NFASC: variants seen among roughly 807,000 people sequenced by gnomAD.
NFASC encodes the protein neurofascin, also known as neurofascin homolog.
In NFASC, 43 loss-of-function variants were observed where a neutral mutation model predicts 147.5. The observed-to-expected ratio is 0.29, with a 90% CI of 0.23 to 0.38. NFASC has a LOEUF of 0.38. Among genes scored for constraint, NFASC ranks in the 10% least tolerant of loss-of-function variants. The pLI is 1.00. For synonymous variants in NFASC, 622 were observed against 665.5 expected (o/e 0.93, Z 1.01); for missense variants, 1,320 against 1,689.0 (o/e 0.78, Z 3.83).
intron 1 of NFASC, among the ~76,000 whole-genome samples, chr1:204,884,837 A>G (rs2080990413): frequency 1.3e-5 from 2 of 152,102 alleles, no homozygotes; most frequent in Admixed American, 1.3e-4. Context: ...GCTGGGTGCT[A>G]TGGGAAATAA....
chr1:204,882,645 TA>T (rs918756338), intron 1 of NFASC, among the ~76,000 whole-genome samples: 7 of 152,162 alleles, frequency 4.6e-5, no homozygotes, highest in Non-Finnish European at 1.0e-4. Flanking sequence ...ATGTCTTGTT[TA>T]CCCCTGAATC....
intron 2 of NFASC, among the ~76,000 whole-genome samples, chr1:204,927,616 C>G (rs1207545624): frequency 6.6e-6 from 1 of 152,084 alleles, no homozygotes; most frequent in African/African-American, 2.4e-5. Context: ...AAAATACTCT[C>G]TACCACCTGG....
chr1:204,916,222 TG>T (rs901942316), intron 1 of NFASC, among the ~76,000 whole-genome samples: 4 of 152,204 alleles, frequency 2.6e-5, no homozygotes, highest in Admixed American at 2.6e-4. Context: ...AGATATCAGG[TG>T]CCTTGTTGGT....
intron 1 of NFASC, among the ~76,000 whole-genome samples, chr1:204,870,315 G>A (rs1164042749): frequency 6.6e-6 from 1 of 152,218 alleles, no homozygotes; most frequent in African/African-American, 2.4e-5. Context: ...GACCAAAGTT[G>A]CGGAGAGCCA....
chr1:204,965,972 G>T (rs1468668368), intron 8 of NFASC, among the ~76,000 whole-genome samples: 1 of 152,228 alleles, frequency 6.6e-6, no homozygotes, highest in Admixed American at 6.5e-5. Context: ...TTGCTGTGAG[G>T]ATTAAGCATA....
chr1:204,976,455 C>T (rs992081790), intron 15 of NFASC, among the ~76,000 whole-genome samples: 5 of 152,202 alleles, frequency 3.3e-5, no homozygotes, highest in Admixed American at 1.3e-4. Context: ...CACTTGAGCT[C>T]CGCCCACTCT....
chr1:204,864,979 A>G (rs975714393), intron 1 of NFASC, among the ~76,000 whole-genome samples: 3 of 152,212 alleles, frequency 2.0e-5, no homozygotes, highest in African/African-American at 7.2e-5. Flanking sequence ...TTGCTGGTGC[A>G]TTGGTGTTAC....
chr1:204,946,733 A>G (rs532193900), intron 3 of NFASC: 1 of 518,926 alleles, frequency 1.9e-6, no homozygotes, highest in African/African-American at 1.9e-5. Flanking sequence ...AAGTTAAAGT[A>G]CCTGGCCTTC....
intron 1 of NFASC, among the ~76,000 whole-genome samples, chr1:204,914,534 A>C (rs766240502): frequency 2.0e-5 from 3 of 152,240 alleles, no homozygotes; most frequent in Non-Finnish European, 4.4e-5. Flanking sequence ...TCTTTCCTTT[A>C]GAAATTACCC....
Position 204,888,884 on chromosome 1 carries a change from A to G in NFASC, c.-199-31748A>G, listed in dbSNP as rs1466741306. 2.0e-5 allele frequency among the ~76,000 whole-genome samples: 3 copies of G among 152,324 alleles called. 1 individual carries two copies. The highest frequency in any genetic ancestry group is 4.1e-4 in the South Asian group (2 of 4,824). ...AGCAGTCTGGGGATCCACCAACTCT[A>G]GGGAACCCTGTGCTGCCCTAGAGTT... On this transcript the variant is annotated intron_variant, in intron 1 of 29. Coordinates refer to ENST00000339876, the MANE Select transcript of NFASC (RefSeq NM_001005388.3).
intron 1 of NFASC, among the ~76,000 whole-genome samples, chr1:204,915,521 C>G (rs947758985): frequency 6.6e-6 from 1 of 151,986 alleles, no homozygotes. Flanking sequence ...GGAAGCTGTG[C>G]GACAGGTTTG....
At chr1:204,958,662 C>T (rs1305807796) in intron 8 of NFASC, among the ~76,000 whole-genome samples, 1 of 152,132 alleles carries the variant, frequency 6.6e-6, no homozygotes, top group Non-Finnish European at 1.5e-5. Flanking sequence ...AAGGAGCCCC[C>T]CAAAAAACAG....
intron 1 of NFASC, among the ~76,000 whole-genome samples, chr1:204,907,011 G>A (rs1326406092): frequency 1.3e-5 from 2 of 152,214 alleles, no homozygotes; most frequent in East Asian, 3.8e-4. Flanking sequence ...TATGGCAACT[G>A]TATGTGTAAC....
Position 204,872,243 on chromosome 1 carries a change from G to A in NFASC, c.-200+43461G>A, listed in dbSNP as rs371803360. 5.3e-5 allele frequency among the ~76,000 whole-genome samples: 8 copies of A among 152,182 alleles called. No individual in the cohort carries two copies. The South Asian group carries it at 8.3e-4, about 16-fold the overall frequency. On this transcript the variant is annotated intron_variant, in intron 1 of 29. Transcript: ENST00000339876. ...CCTCAACCCTATGCACAAAGCAAAC[G>A]GTACAGTTTTCCCTGAGCATCACGC...
intron 24 of NFASC, 70 bp from the exon 25 acceptor site, chr1:204,997,100 C>CG: frequency 6.4e-7 from 1 of 1,557,012 alleles, no homozygotes; most frequent in East Asian, 2.3e-5. Flanking sequence ...GCCTTGCACG[C>CG]GGGGGCCGTG....
intron 2 of NFASC, among the ~76,000 whole-genome samples, chr1:204,923,140 G>T (rs2090835471): frequency 6.6e-6 from 1 of 152,218 alleles, no homozygotes. Context: ...TGTGTATTTA[G>T]GGTGGCTCAT....
intron 1 of NFASC, among the ~76,000 whole-genome samples, chr1:204,905,495 G>A (rs990188283): frequency 1.3e-5 from 2 of 151,750 alleles, no homozygotes; most frequent in African/African-American, 2.4e-5. Flanking sequence ...AGCCATTTGT[G>A]TATCTTCTTG....
intron 25 of NFASC, 50 bp downstream of exon 25, chr1:204,997,456 G>T: frequency 7.1e-6 from 11 of 1,549,622 alleles, no homozygotes; most frequent in Non-Finnish European, 9.6e-6. Context: ...CGCCTCCCCA[G>T]CGGCCTCCAG....
chr1:205,013,715 C>G (rs10494857), intron 29 of NFASC, among the ~76,000 whole-genome samples: 3 of 152,096 alleles, frequency 2.0e-5, no homozygotes, highest in Non-Finnish European at 4.4e-5. Flanking sequence ...ATTCCCAGAC[C>G]AAGTGCTATG....
Sources: allele counts gnomAD v4.1 joint callset (sites outside exome capture counted in the v4.1 genomes callset), GRCh38; gene constraint gnomAD v4.1.1; transcripts MANE v1.5; gene names NCBI Gene and HGNC (gene_info 2026-07-23, HGNC 2026-07-21).